The following SMC4 variants were observed in gnomAD, a reference collection of about 807,000 sequenced individuals.
SMC4 encodes the protein structural maintenance of chromosomes 4.
A neutral mutation model predicts 145.6 loss-of-function variants in SMC4; 87 were observed. That is an observed-to-expected ratio of 0.60 (90% confidence interval 0.50 to 0.71). SMC4 has a LOEUF of 0.71. SMC4 is among the 30% of genes least tolerant of loss of function. SMC4 has a pLI of 0.00. For missense variants in SMC4, 1,447 were observed against 1,537.1 expected, an observed-to-expected ratio of 0.94 and a Z score of 0.98; for synonymous variants, 558 against 500.7, an observed-to-expected ratio of 1.11 and a Z score of -1.53.
intron 12 of SMC4, chr3:160,420,520 TA>T: frequency 2.2e-6 from 1 of 451,046 alleles, no homozygotes; most frequent in Non-Finnish European, 3.9e-6. Flanking sequence ...GTTGTTTTCA[TA>T]AAATGAAAAC....
In SMC4 at chr3:160,428,731, GTTC is replaced by G; in HGVS notation, c.2606-19_2606-17del. On this transcript the variant is annotated intron_variant, in intron 17 of 23. Coordinates refer to ENST00000357388, the MANE Select transcript of SMC4 (RefSeq NM_001002800.3). ...TCATTAGCATAAAAACACAAATTAG[GTTC>G]TTTATTTTTTAATTTCAGAATATGA... is the stretch of plus-strand genomic sequence containing the variant. The G allele has an allele frequency of 6.4e-7, 1 of 1,556,834 alleles. No homozygotes were observed. Among genetic ancestry groups the G allele is most frequent in the Non-Finnish European group, 8.6e-7 (1 of 1,162,854 alleles).
chr3:160,431,492 A>G (rs1348600637), intron 20 of SMC4, 151 bp from the exon 21 acceptor site: 8 of 690,264 alleles, frequency 1.2e-5, no homozygotes, highest in Non-Finnish European at 1.9e-5. Context: ...TGTTACAACT[A>G]TTTTTCTTGA....
At chr3:160,430,496 A>G (rs1000237155) in intron 18 of SMC4, 103 bp from the exon 19 acceptor site, 3 of 1,054,352 alleles carry the variant, frequency 2.8e-6, no homozygotes, top group Admixed American at 2.7e-5. Flanking sequence ...ATATGAATAG[A>G]AAAAATGTCA....
chr3:160,432,515 G>A lies in SMC4; in HGVS notation c.3530G>A (p.Ser1177Asn). 1 of 1,565,446 alleles carries A rather than the reference G, an allele frequency of 6.4e-7. No homozygotes were observed. The highest frequency in any genetic ancestry group is 8.7e-7 in the Non-Finnish European group (1 of 1,150,646). Residue 1177 changes from serine to asparagine, a missense_variant and splice_region_variant, in exon 22 of 24, where the codon AGT (serine) becomes AAT (asparagine). By Grantham distance (46) the Ser-to-Asn change is conservative. Coordinates refer to ENST00000357388, the MANE Select transcript of SMC4 (RefSeq NM_001002800.3). ...CCTTTCTCTGAAGGAATCATGTTCA[G>A]GTGTGTAATTATGCTGAGTTTATAA... ...LDPFSEGIMF[S>N]VRPPKKSWKK...
At chr3:160,420,936 T>TG in intron 13 of SMC4, 35 bp downstream of exon 13, 1 of 932,482 alleles carries the variant, frequency 1.1e-6, no homozygotes, top group South Asian at 2.2e-5. Context: ...ATAATTGGAA[T>TG]TTTTTTTTTT....
chr3:160,412,130 A>G (rs1302506979), intron 6 of SMC4, 46 bp downstream of exon 6: 23 of 1,572,304 alleles, frequency 1.5e-5, no homozygotes, highest in Non-Finnish European at 2.0e-5. Context: ...TGTTTCATTT[A>G]TGATCTAACA....
Position 160,400,986 on chromosome 3 carries a change from C to T in SMC4, c.139+21C>T, listed in dbSNP as rs2108440772. 5 of 1,378,992 alleles carry T rather than the reference C, an allele frequency of 3.6e-6. No homozygotes were observed. The East Asian group carries it at 1.2e-4, about 34-fold the overall frequency. 85.4% of individuals were successfully genotyped at this position (1,378,992 alleles called of 1,614,324 possible). A position where few individuals can be genotyped will look rare whatever the true frequency, so the allele number is the denominator to read the frequency against. ...CGCAGGTGAGTGACCCGCCGCGACT[C>T]GGCGGGAACGCGCGCTGTGGGACTG... On this transcript the variant is annotated intron_variant, in intron 2 of 23. Coordinates refer to ENST00000357388, the MANE Select transcript of SMC4 (RefSeq NM_001002800.3).
At chr3:160,412,516 TTC>T in intron 7 of SMC4, 63 bp downstream of exon 7, 1 of 1,485,124 alleles carries the variant, frequency 6.7e-7, no homozygotes, top group Non-Finnish European at 9.0e-7. Flanking sequence ...GTCAAAGCCC[TTC>T]TCTTTTCCTA....
chr3:160,433,095 A>C lies in SMC4; in HGVS notation c.3600A>C (p.Ser1200=). Residue 1200 remains serine, a synonymous_variant, in exon 23 of 24, where the codon TCA becomes TCC. Coordinates refer to ENST00000357388, the MANE Select transcript of SMC4 (RefSeq NM_001002800.3). ...NLSGGEKTLS[S]LALVFALHHY... Reference sequence around the variant, plus strand: ...CGGGAGGAGAGAAAACACTTAGTTCATTGGCTTTAGTATTTGCTCTTCACC... The same window carrying C: ...CGGGAGGAGAGAAAACACTTAGTTCCTTGGCTTTAGTATTTGCTCTTCACC... 1.9e-6 allele frequency: 3 copies of C among 1,613,674 alleles called. No individual in the cohort carries two copies. The highest frequency in any genetic ancestry group is 2.5e-6 in the Non-Finnish European group (3 of 1,179,658).
intron 9 of SMC4, 96 bp from the exon 10 acceptor site, chr3:160,416,155 T>C (rs1716554419): frequency 2.6e-6 from 2 of 777,296 alleles, no homozygotes; most frequent in Non-Finnish European, 3.8e-6. Context: ...AAAGAAGAAC[T>C]AGAGGACCCT....
chr3:160,426,030 C>A, intron 16 of SMC4, 44 bp from the exon 17 acceptor site: 1 of 1,456,668 alleles, frequency 6.9e-7, no homozygotes, highest in Non-Finnish European at 9.3e-7. Context: ...ATGTTTAAAG[C>A]AAATGTTAAA....
At chr3:160,405,079 A>G (rs1042840744) in intron 5 of SMC4, among the ~76,000 whole-genome samples, 2 of 152,042 alleles carry the variant, frequency 1.3e-5, no homozygotes, top group African/African-American at 4.8e-5. Flanking sequence ...TTTGTTGAAA[A>G]TGACTTACTT....
chr3:160,413,450 T>C (rs77370178), intron 7 of SMC4, 23 bp from the exon 8 acceptor site: 1 of 1,223,112 alleles, frequency 8.2e-7, no homozygotes, highest in African/African-American at 1.7e-5. Flanking sequence ...TTCAATTTCT[T>C]TTTTTTTTTT....
intron 8 of SMC4, 150 bp from the exon 9 acceptor site, chr3:160,414,217 G>GA (rs1460329978): frequency 1.4e-6 from 1 of 699,898 alleles, no homozygotes; most frequent in Non-Finnish European, 2.6e-6. Context: ...ACTATGGGGA[G>GA]AGGGATCATC....
chr3:160,431,194 T>C lies in SMC4; in HGVS notation c.3103T>C (p.Trp1035Arg), dbSNP rs370233116. 1.3e-6 allele frequency: 2 copies of C among 1,579,068 alleles called. No individual in the cohort carries two copies. Among genetic ancestry groups the C allele is most frequent in the African/African-American group, 2.8e-5 (2 of 72,388 alleles). ...IAEHNSKIKY[W>R]HKEISKISLH... is the part of the protein sequence containing the mutation. ...TGAACATAATTCTAAAATAAAATAT[T>C]GGCACAAAGAGGTGAGATTGTTACC... Residue 1035 changes from tryptophan to arginine, a missense_variant, in exon 20 of 24, where the codon TGG becomes CGG. Coordinates refer to ENST00000357388, the MANE Select transcript of SMC4 (RefSeq NM_001002800.3).
intron 2 of SMC4, 43 bp from the exon 3 acceptor site, chr3:160,401,872 C>G: frequency 1.3e-6 from 2 of 1,517,240 alleles, no homozygotes; most frequent in Non-Finnish European, 1.8e-6. Context: ...TAGGCTTTTC[C>G]CCCGCCGTTT....
intron 8 of SMC4, 142 bp downstream of exon 8, chr3:160,413,755 A>G: frequency 1.9e-6 from 1 of 514,224 alleles, no homozygotes; most frequent in Non-Finnish European, 3.3e-6. Context: ...GAAAAAAAAA[A>G]ACTTGCCTTG....
Position 160,405,311 on chromosome 3 carries a change from A to G in SMC4, c.687+807A>G, listed in dbSNP as rs539765051. Among the ~76,000 whole-genome samples the G allele has an allele frequency of 3.5e-5, 4 of 114,120 alleles. No individual in the cohort carries two copies. In the South Asian group the frequency reaches 9.8e-4, roughly 28 times the overall value. The allele number at this position is 114,120 out of a possible 152,430, so 74.9% of individuals were successfully genotyped here. A position where few individuals can be genotyped will look rare whatever the true frequency, so the allele number is the denominator to read the frequency against. Reference sequence around the variant, plus strand: ...TTTTTCCCTGTCCTCAAAATTCAGAATTTTTCGGAAAAAAAAAAAATTAGG... The same window carrying G: ...TTTTTCCCTGTCCTCAAAATTCAGAGTTTTTCGGAAAAAAAAAAAATTAGG... On this transcript the variant is annotated intron_variant, in intron 5 of 23. Coordinates refer to ENST00000357388, the MANE Select transcript of SMC4 (RefSeq NM_001002800.3).
At chr3:160,407,560 A>C (rs1360774109) in intron 5 of SMC4, among the ~76,000 whole-genome samples, 2 of 151,804 alleles carry the variant, frequency 1.3e-5, no homozygotes, top group African/African-American at 4.8e-5. Flanking sequence ...ATAAATAAAT[A>C]ATAGCCAAGT....
Sources: gnomAD v4.1 joint callset for allele counts (sites outside exome capture counted in the v4.1 genomes callset) on GRCh38, gnomAD v4.1.1 for gene constraint, MANE v1.5 for transcripts, NCBI Gene and HGNC (gene_info 2026-07-23, HGNC 2026-07-21) for gene names.